Variants in DMXL2 observed in about 807,000 individuals in gnomAD.
The protein encoded by DMXL2 is dmX-like protein 2.
A neutral mutation model predicts 331.1 loss-of-function variants in DMXL2; 103 were observed. The observed-to-expected ratio is 0.31, with a 90% CI of 0.27 to 0.37. The LOEUF (loss-of-function observed/expected upper bound fraction) is 0.37. Ranked by LOEUF, DMXL2 falls within the 10% of genes least tolerant of loss-of-function variation. The probability of loss-of-function intolerance (pLI) is 1.00; values close to 1 mark genes in which losing one functional copy is unlikely to be tolerated. For synonymous variants in DMXL2, 1,281 were observed against 1,252.1 expected, an observed-to-expected ratio of 1.02 and a Z score of -0.49; for missense variants, 3,171 against 3,642.9, an observed-to-expected ratio of 0.87 and a Z score of 3.33.
At chr15:51,543,649 G>C (rs2048727438) in intron 8 of DMXL2, among the ~76,000 whole-genome samples, 1 of 152,090 alleles carries the variant, frequency 6.6e-6, no homozygotes, top group Non-Finnish European at 1.5e-5. Flanking sequence ...CAATTATATA[G>C]AACTAACAGT....
In DMXL2 at chr15:51,480,745, T is replaced by C. The variant is rs773959995; in HGVS notation, c.6361A>G (p.Ile2121Val). Residue 2121 changes from isoleucine (I) to valine (V), a missense_variant, in exon 24 of 44, where the codon ATT becomes GTT. By Grantham distance (29) the Ile-to-Val change is conservative (BLOSUM62 3). This residue lies in a region of DMXL2 where 197 missense variants were observed against 196.2 expected (regional missense o/e 1.00). Coordinates refer to ENST00000560891, the MANE Select transcript of DMXL2 (RefSeq NM_001378457.1). ...DQEEMVDKPD[I>V]GSYERHQIER... ...ATTTGATGGCGCTCATAGGAACCAA[T>C]ATCTGGTTTGTCTACCATTTCTTCC... 4 of 1,600,844 alleles carry C rather than the reference T, an allele frequency of 2.5e-6. No homozygotes were observed. The South Asian group carries it at 4.4e-5, about 18-fold the overall frequency.
rs1459017299 is a variant in DMXL2, at chr15:51,537,714, T to G, written c.1391A>C (p.Glu464Ala). The G allele has an allele frequency of 6.2e-7, 1 of 1,613,842 alleles. No homozygotes were observed. Among genetic ancestry groups the G allele is most frequent in the Non-Finnish European group, 8.5e-7 (1 of 1,179,834 alleles). The change falls in exon 11 of 44, where the codon GAA (glutamate) becomes GCA (alanine). Residue 464 changes from glutamate to alanine, a missense_variant. This residue lies in a region of DMXL2 where 1,674 missense variants were observed against 1,780.2 expected (regional missense o/e 0.94). Transcript: ENST00000560891. ...TCCTTCTCTTTCTCCATCTTCATGTTCTGATGATCCTGTACCTGCCTCAGA... is the reference window on the plus strand; with the variant it reads ...TCCTTCTCTTTCTCCATCTTCATGTGCTGATGATCCTGTACCTGCCTCAGA... ...RESEAGTGSSEHEDGEREGSP... is the reference protein window; with the variant it reads ...RESEAGTGSSAHEDGEREGSP...
chr15:51,603,466 C>T (rs2053366750), intron 1 of DMXL2: 1 of 152,090 alleles, frequency 6.6e-6, no homozygotes, highest in Admixed American at 6.6e-5. Flanking sequence ...AGTTAAAACC[C>T]TTCTGAAAAA....
At chr15:51,480,368 T>C (rs1180855997) in intron 24 of DMXL2, among the ~76,000 whole-genome samples, 174 bp downstream of exon 24, 1 of 152,200 alleles carries the variant, frequency 6.6e-6, no homozygotes, top group Non-Finnish European at 1.5e-5. Flanking sequence ...CTCCTTATTA[T>C]CAAAACTTCA....
chr15:51,560,320 T>C (rs999040979), intron 6 of DMXL2, among the ~76,000 whole-genome samples: 3 of 151,834 alleles, frequency 2.0e-5, no homozygotes, highest in East Asian at 3.9e-4. Context: ...ATAATCCAAC[T>C]GGGGGAGGAG....
At chr15:51,611,139 A>C (rs971965604) in intron 1 of DMXL2, among the ~76,000 whole-genome samples, 20 of 152,218 alleles carry the variant, frequency 1.3e-4, no homozygotes, top group African/African-American at 4.6e-4. Flanking sequence ...ACATTAATAA[A>C]ATAGAAAATA....
chr15:51,484,291 T>G (rs1401756415), intron 23 of DMXL2, among the ~76,000 whole-genome samples: 2 of 152,212 alleles, frequency 1.3e-5, no homozygotes, highest in African/African-American at 2.4e-5. Context: ...GTAACAGACC[T>G]GTGGCCCCAA....
At chr15:51,598,616 C>A (rs2053004608) in intron 1 of DMXL2, among the ~76,000 whole-genome samples, 1 of 152,168 alleles carries the variant, frequency 6.6e-6, no homozygotes, top group Non-Finnish European at 1.5e-5. Context: ...TTTTGAAGAA[C>A]ACAGATCAGT....
intron 1 of DMXL2, among the ~76,000 whole-genome samples, chr15:51,610,828 T>C (rs2053914969): frequency 6.6e-6 from 1 of 151,870 alleles, no homozygotes; most frequent in African/African-American, 2.4e-5. Context: ...TTAAAAAGAC[T>C]AGAAGTACAT....
chr15:51,570,286 G>C (rs894425379), intron 2 of DMXL2, among the ~76,000 whole-genome samples: 1 of 152,120 alleles, frequency 6.6e-6, no homozygotes, highest in Non-Finnish European at 1.5e-5. Context: ...AGAAATATGG[G>C]ACTATGTGAA....
At chr15:51,489,511 G>T (rs1233606843) in intron 20 of DMXL2, among the ~76,000 whole-genome samples, 1 of 152,072 alleles carries the variant, frequency 6.6e-6, no homozygotes, top group African/African-American at 2.4e-5. Flanking sequence ...ACAAAAATTA[G>T]CCAGGCATGG....
At chr15:51,519,633 CTTGT>C (rs1341907695) in intron 13 of DMXL2, among the ~76,000 whole-genome samples, 108 of 118,300 alleles carry the variant, frequency 9.1e-4, no homozygotes, top group Non-Finnish European at 1.7e-3. Flanking sequence ...GACAAAGTCT[CTTGT>C]TTTTTTTTTT....
At chr15:51,482,174 G>T (rs2140374593) in intron 23 of DMXL2, among the ~76,000 whole-genome samples, 1 of 152,124 alleles carries the variant, frequency 6.6e-6, no homozygotes, top group Non-Finnish European at 1.5e-5. Flanking sequence ...TATCAAGTTG[G>T]TAGCATAATC....
intron 1 of DMXL2, among the ~76,000 whole-genome samples, chr15:51,596,896 G>C (rs2141282017): frequency 6.6e-6 from 1 of 152,208 alleles, no homozygotes; most frequent in East Asian, 1.9e-4. Flanking sequence ...ACAGGAAGGG[G>C]AACATCACAC....
chr15:51,479,725 A>G (rs1230874307), intron 25 of DMXL2, among the ~76,000 whole-genome samples: 1 of 152,226 alleles, frequency 6.6e-6, no homozygotes, highest in African/African-American at 2.4e-5. Flanking sequence ...AATTAGTTTT[A>G]TTGCCAAAAG....
chr15:51,555,046 C>T (rs2049470677), intron 6 of DMXL2, among the ~76,000 whole-genome samples: 1 of 152,022 alleles, frequency 6.6e-6, no homozygotes, highest in Non-Finnish European at 1.5e-5. Flanking sequence ...TAATCCCAGT[C>T]ACTTGGGAGG....
intron 1 of DMXL2, among the ~76,000 whole-genome samples, chr15:51,595,658 G>C (rs1369229387): frequency 6.6e-6 from 1 of 152,180 alleles, no homozygotes; most frequent in Non-Finnish European, 1.5e-5. Flanking sequence ...CACGCCACCT[G>C]ACTTCAAACT....
At chr15:51,622,183 C>A (rs2054685578) in intron 1 of DMXL2, among the ~76,000 whole-genome samples, 1 of 152,222 alleles carries the variant, frequency 6.6e-6, no homozygotes, top group South Asian at 2.1e-4. Context: ...CTAGGAGGAG[C>A]CTTCTAGTCC....
At position 51,448,912 on chromosome 15, in the gene DMXL2, AAGC is replaced by A. The variant is rs2038892899; in HGVS notation, c.*69_*71del. The A allele has an allele frequency of 7.0e-7, 1 of 1,429,902 alleles. No homozygotes were observed. The highest frequency in any genetic ancestry group is 9.7e-7 in the Non-Finnish European group (1 of 1,034,872). The allele number at this position is 1,429,902 out of a possible 1,614,324, so 88.6% of individuals were successfully genotyped here. On this transcript the variant is annotated 3_prime_UTR_variant, in exon 44 of 44. Transcript: ENST00000560891. ...TCTGTTTTCAATACAACTGCTTAGA[AAGC>A]AGAATTGCCTAGTGATGACTGTAGT...
Sources: gnomAD v4.1 joint callset for allele counts (sites outside exome capture counted in the v4.1 genomes callset) on GRCh38, gnomAD v4.1.1 for gene constraint, gnomAD v4.1.1 regional missense constraint, MANE v1.5 for transcripts, NCBI Gene and HGNC (gene_info 2026-07-23, HGNC 2026-07-21) for gene names.